Variants in HCFC1 observed in about 807,000 individuals in gnomAD.
HCFC1 encodes the protein host cell factor 1.
Under a neutral mutation model 105.5 loss-of-function variants are expected in HCFC1, and 7 were observed. The ratio of observed to expected loss-of-function variants is 0.07; its 90% CI spans 0.04 to 0.12. The LOEUF (loss-of-function observed/expected upper bound fraction) is 0.12. Ranked by LOEUF, HCFC1 falls within the 10% of genes least tolerant of loss-of-function variation. HCFC1 has a pLI of 1.00. For missense variants in HCFC1, 1,065 were observed against 1,823.6 expected (o/e 0.58, Z 7.58); for synonymous variants, 918 against 828.1 (o/e 1.11, Z -1.86).
chrX:153,957,741 A>C, intron 12 of HCFC1, 41 bp downstream of exon 12: 1 of 1,037,125 alleles, frequency 9.6e-7, no homozygotes, highest in African/African-American at 1.8e-5. Flanking sequence ...CCTGGCACCC[A>C]GGCCCCCACT....
chrX:153,959,946 C>T lies in HCFC1; in HGVS notation c.1300G>A (p.Ala434Thr), dbSNP rs782220105. The change falls in exon 8 of 26, where the codon GCA becomes ACA. Residue 434 changes from alanine (A) to threonine (T), a missense_variant. By Grantham distance (58) the Ala-to-Thr change is moderately conservative. This residue lies in a region of HCFC1 where 101 missense variants were observed against 155.1 expected (regional missense o/e 0.65). Coordinates refer to ENST00000310441, the MANE Select transcript of HCFC1 (RefSeq NM_005334.3). ...PPKSPAPAAA[A>T]PAVQPLTQVG... Reference sequence around the variant, plus strand: ...TGGGTCAGCGGCTGCACAGCAGGTGCGGCTGCTGCTGGGGCAGGGCTCTTG... The same window carrying T: ...TGGGTCAGCGGCTGCACAGCAGGTGTGGCTGCTGCTGGGGCAGGGCTCTTG... 9.9e-6 allele frequency: 12 copies of T among 1,208,813 alleles called. No individual in the cohort carries two copies. The East Asian group carries it at 1.8e-4, about 18-fold the overall frequency.
At chrX:153,965,968 C>A (rs112183525) in intron 1 of HCFC1, among the ~76,000 whole-genome samples, 2 of 111,860 alleles carry the variant, frequency 1.8e-5, no homozygotes, top group Non-Finnish European at 3.8e-5. Flanking sequence ...GGGCTCAATG[C>A]GGAACCGTGT....
chrX:153,953,151 G>T (rs1363093033), intron 18 of HCFC1, 193 bp from the exon 19 acceptor site: 1 of 465,676 alleles, frequency 2.1e-6, no homozygotes. Flanking sequence ...AGGCAGCAGG[G>T]CTGAGAAGCA....
chrX:153,952,887 A>G lies in HCFC1; in HGVS notation c.4569T>C (p.Ala1523=). 8.5e-7 allele frequency: 1 copy of G among 1,182,129 alleles called. No individual in the cohort carries two copies. Among genetic ancestry groups the G allele is most frequent in the East Asian group, 3.1e-5 (1 of 32,082 alleles). The change falls in exon 19 of 26, where the codon GCT becomes GCC. Residue 1523 remains alanine (A), a synonymous_variant. Transcript: ENST00000310441. The part of the protein sequence containing the change: ...QLPPRQLLQS[A]STALMGESAE... ...CGGACTCCCCCATCAGGGCTGTGGA[A>G]GCCGACTGCAGAAGCTGCCGTGGCG...
At chrX:153,960,192 C>A in intron 7 of HCFC1, 31 bp from the exon 8 acceptor site, 1 of 1,196,401 alleles carries the variant, frequency 8.4e-7, no homozygotes, top group Non-Finnish European at 1.1e-6. Context: ...TGAGAAGGGG[C>A]GGGAGGCTAT....
chrX:153,970,468 A>C, intron 1 of HCFC1, among the ~76,000 whole-genome samples, 180 bp downstream of exon 1: 1 of 67,431 alleles, frequency 1.5e-5, no homozygotes, highest in African/African-American at 5.9e-5. Context: ...GGGGACGGGG[A>C]GAGGGGAGAA....
chrX:153,963,644 G>T (rs1453955840), intron 3 of HCFC1, among the ~76,000 whole-genome samples: 1 of 112,049 alleles, frequency 8.9e-6, no homozygotes, highest in African/African-American at 3.3e-5. Flanking sequence ...GGTGGGTGAG[G>T]CTGCACAGCA....
intron 1 of HCFC1, among the ~76,000 whole-genome samples, 163 bp downstream of exon 1, chrX:153,970,485 G>A (rs1415437136): frequency 1.1e-5 from 1 of 93,233 alleles, no homozygotes; most frequent in Non-Finnish European, 2.2e-5. Flanking sequence ...AGAAGGACGG[G>A]TAAGGGAGGA....
In HCFC1 at chrX:153,952,810, A is replaced by G; in HGVS notation, c.4646T>C (p.Leu1549Pro). 1 of 1,202,324 alleles carries G rather than the reference A, an allele frequency of 8.3e-7. No individual in the cohort carries two copies. Among genetic ancestry groups the G allele is most frequent in the Non-Finnish European group, 1.1e-6 (1 of 890,657 alleles). Reference sequence around the variant, plus strand: ...CGAAGATGGCTCCCCTGTGCTGCTCAGATCCACGGCGGCCGGGAGCTCAGG... The same window carrying G: ...CGAAGATGGCTCCCCTGTGCTGCTCGGATCCACGGCGGCCGGGAGCTCAGG... ...QTPELPAAVD[L>P]SSTGEPSSGQ... The change falls in exon 19 of 26, where the codon CTG (leucine) becomes CCG (proline). Residue 1549 changes from leucine (L) to proline (P), a missense_variant. Transcript: ENST00000310441.
chrX:153,965,383 C>T (rs1209358576), intron 1 of HCFC1, among the ~76,000 whole-genome samples: 1 of 111,724 alleles, frequency 9.0e-6, no homozygotes, highest in Non-Finnish European at 1.9e-5. Context: ...GAGGGTGAGG[C>T]GACCACCAAG....
At chrX:153,962,725 G>C (rs1488574564) in intron 4 of HCFC1, among the ~76,000 whole-genome samples, 1 of 111,821 alleles carries the variant, frequency 8.9e-6, no homozygotes, top group Non-Finnish European at 1.9e-5. Flanking sequence ...GGACAACATC[G>C]CCATCTCCTC....
rs1258720649 is a variant in HCFC1 at position 153,957,080 on chromosome X, C to T, written c.2354-20G>A. 4 of 1,197,056 alleles carry T rather than the reference C, an allele frequency of 3.3e-6. No individual in the cohort carries two copies. The highest frequency in any genetic ancestry group is 4.5e-6 in the Non-Finnish European group (4 of 888,588). On this transcript the variant is annotated intron_variant, in intron 13 of 25. Transcript: ENST00000310441. ...TCACACCTGGATGGGAGAGTGGGGC[C>T]CAGGGGAGACAGGCTCTGTGAGGGC... is the stretch of plus-strand genomic sequence containing the variant.
At position 153,971,719 on chromosome X, in the gene HCFC1, C is replaced by G; in HGVS notation, c.-879G>C. ...TGACTCCTTCCCACAGGAGCCGCTTCAAAGAGCTAGAGTTAGGCCCCGAAG... is the reference window on the plus strand; with the variant it reads ...TGACTCCTTCCCACAGGAGCCGCTTGAAAGAGCTAGAGTTAGGCCCCGAAG... On this transcript the variant is annotated 5_prime_UTR_variant, in exon 1 of 26. Coordinates refer to ENST00000310441, the MANE Select transcript of HCFC1 (RefSeq NM_005334.3). 1 of 297,958 alleles carries G rather than the reference C, an allele frequency of 3.4e-6. No homozygotes were observed. The allele number at this position is 297,958 out of a possible 1,213,427, so 24.6% of individuals were successfully genotyped here.
rs782480118 is a variant in HCFC1 at position 153,952,505 on chromosome X, G to A, written c.4942+9C>T. On this transcript the variant is annotated intron_variant, in intron 19 of 25. Transcript: ENST00000310441. ...GGCCCGGCTTCCCCAGGGTTGCACC[G>A]GCACTCACCCATGACGGCCTGCTGC... 23 of 1,144,572 alleles carry A rather than the reference G, an allele frequency of 2.0e-5. No individual in the cohort carries two copies. The highest frequency in any genetic ancestry group is 1.2e-4 in the South Asian group (6 of 48,922). 94.3% of individuals were successfully genotyped at this position (1,144,572 alleles called of 1,213,427 possible).
upstream of HCFC1, chrX:153,971,818 TGAA>T: frequency 3.4e-6 from 1 of 290,838 alleles, no homozygotes; most frequent in East Asian, 4.8e-5. Flanking sequence ...CCATCTTGTG[TGAA>T]GAAGTAACAA....
rs1557115869 is a variant in HCFC1 at position 153,958,675 on chromosome X, G to A, written c.1697C>T (p.Thr566Met). 2 of 1,200,354 alleles carry A rather than the reference G, an allele frequency of 1.7e-6. No individual in the cohort carries two copies. The highest frequency in any genetic ancestry group is 1.8e-5 in the South Asian group (1 of 55,510). The change falls in exon 10 of 26, where the codon ACG becomes ATG. Residue 566 changes from threonine to methionine, a missense_variant. Transcript: ENST00000310441. ...GGTACCCGCTGGGACACTCAGCACC[G>A]TGGGTGCCGAGGAAGGGGGGATCTT... ...TQKIPPSSAP[T>M]VLSVPAGTTI...
chrX:153,961,447 G>A, intron 6 of HCFC1, 95 bp downstream of exon 6: 1 of 561,979 alleles, frequency 1.8e-6, no homozygotes, highest in South Asian at 2.7e-5. Flanking sequence ...CGGGGGCCCA[G>A]CTTGCTCCCC....
chrX:153,960,478 C>T (rs2065419312), intron 6 of HCFC1, 64 bp from the exon 7 acceptor site: 1 of 844,368 alleles, frequency 1.2e-6, no homozygotes, highest in Admixed American at 3.8e-5. Context: ...CCCCTGGTTG[C>T]CCTTGGTTCT....
intron 1 of HCFC1, among the ~76,000 whole-genome samples, chrX:153,966,269 C>G (rs1557118359): frequency 8.9e-6 from 1 of 112,287 alleles, no homozygotes; most frequent in South Asian, 3.6e-4. Flanking sequence ...GTACCACCAC[C>G]GCTCCTCCTG....
Sources: allele counts gnomAD v4.1 joint callset (sites outside exome capture counted in the v4.1 genomes callset), GRCh38; gene constraint gnomAD v4.1.1; regional missense constraint gnomAD v4.1.1; transcripts MANE v1.5; gene names NCBI Gene and HGNC (gene_info 2026-07-23, HGNC 2026-07-21).